The following OTUD7A variants were observed in gnomAD, a reference collection of about 807,000 sequenced individuals.
The protein encoded by OTUD7A is OTU domain-containing protein 7A.
In OTUD7A, 12 loss-of-function variants were observed where a neutral mutation model predicts 65.7. The observed-to-expected ratio is 0.18, with a 90% CI of 0.12 to 0.30. OTUD7A has a LOEUF of 0.30. OTUD7A is among the 10% of genes least tolerant of loss of function. The probability of loss-of-function intolerance (pLI) is 1.00; values close to 1 mark genes in which losing one functional copy is unlikely to be tolerated. For missense variants in OTUD7A, 1,148 were observed against 1,304.8 expected, an observed-to-expected ratio of 0.88 and a Z score of 1.85; for synonymous variants, 641 against 586.3, an observed-to-expected ratio of 1.09 and a Z score of -1.35.
At chr15:31,486,137 A>G (rs553446279) in intron 12 of OTUD7A, among the ~76,000 whole-genome samples, 5 of 152,252 alleles carry the variant, frequency 3.3e-5, no homozygotes, top group African/African-American at 4.8e-5. Context: ...AGGCCTGGCA[A>G]TTGCAGGCAG....
chr15:31,709,674 A>C (rs904314617), intron 1 of OTUD7A, among the ~76,000 whole-genome samples: 12 of 151,338 alleles, frequency 7.9e-5, no homozygotes, highest in Middle Eastern at 3.4e-3. Flanking sequence ...AGGACACATC[A>C]GTTAGAGGAA....
chr15:31,651,237 C>T (rs1458083429), intron 3 of OTUD7A, among the ~76,000 whole-genome samples: 1 of 145,866 alleles, frequency 6.9e-6, no homozygotes. Flanking sequence ...CAGTTTAAAG[C>T]AAAAAACCCA....
intron 3 of OTUD7A, among the ~76,000 whole-genome samples, chr15:31,632,939 TCTCCTGGTGTGCCG>T (rs1891223242): frequency 6.6e-6 from 1 of 152,188 alleles, no homozygotes; most frequent in Non-Finnish European, 1.5e-5. Flanking sequence ...CGGGATATAA[TCTCCTGGTGTGCCG>T]TTTTTTAAGC....
At chr15:31,555,700 A>G (rs911909752) in intron 5 of OTUD7A, among the ~76,000 whole-genome samples, 4 of 152,170 alleles carry the variant, frequency 2.6e-5, no homozygotes, top group African/African-American at 4.8e-5. Context: ...GACCTAGTCT[A>G]AGACCTCGCT....
At chr15:31,553,332 A>G (rs1315042036) in intron 5 of OTUD7A, among the ~76,000 whole-genome samples, 3 of 152,022 alleles carry the variant, frequency 2.0e-5, no homozygotes. Context: ...TTTTCTGTCC[A>G]TGCTCCAGAC....
chr15:31,604,707 T>C (rs1048579619), intron 3 of OTUD7A, among the ~76,000 whole-genome samples: 1 of 152,260 alleles, frequency 6.6e-6, no homozygotes, highest in South Asian at 2.1e-4. Flanking sequence ...AACTGGCTCA[T>C]GCATGTGGCC....
At position 31,498,971 on chromosome 15, in the gene OTUD7A, G is replaced by A. The variant is rs1036899764; in HGVS notation, c.1171+2719C>T. On this transcript the variant is annotated intron_variant, in intron 10 of 12. Coordinates refer to ENST00000307050, the MANE Select transcript of OTUD7A (RefSeq NM_001382637.1). This position sits in a 1 kb window ranked among gnomAD's most constrained non-coding sequence, Gnocchi z 4.2. ...CCTGAACTTGAAGATGGTCAGTGGC[G>A]GCATCAGCAGTAGCCGGGCCACGGC... Among the ~76,000 whole-genome samples the A allele has an allele frequency of 4.6e-5, 7 of 152,140 alleles. No homozygotes were observed. The highest frequency in any genetic ancestry group is 1.7e-4 in the African/African-American group (7 of 41,428).
intron 1 of OTUD7A, among the ~76,000 whole-genome samples, chr15:31,723,401 C>A (rs779342575): frequency 1.8e-4 from 21 of 117,326 alleles, no homozygotes; most frequent in Non-Finnish European, 3.8e-4. Context: ...GCCACCCCCC[C>A]CCCCCCGCCC....
chr15:31,806,127 C>G (rs1567033175), intron 1 of OTUD7A, among the ~76,000 whole-genome samples: 1 of 152,114 alleles, frequency 6.6e-6, no homozygotes, highest in Non-Finnish European at 1.5e-5. Flanking sequence ...ATCCTGAAAC[C>G]TCTGGAAGTT....
chr15:31,606,581 G>C (rs752542023), intron 3 of OTUD7A, among the ~76,000 whole-genome samples: 5 of 152,112 alleles, frequency 3.3e-5, no homozygotes, highest in Non-Finnish European at 7.4e-5. Flanking sequence ...TACTAAGTCA[G>C]ACAGTAATGG....
intron 3 of OTUD7A, among the ~76,000 whole-genome samples, chr15:31,595,553 CCCCATGCCCCTCCCA>C (rs11276098): frequency 0.077 from 11,741 of 152,198 alleles, 1,075 homozygotes; most frequent in African/African-American, 0.23. Flanking sequence ...CATCAGATGG[CCCCATGCCCCTCCCA>C]GCCAATCCCT....
At chr15:31,635,807 G>A (rs1305182511) in intron 3 of OTUD7A, among the ~76,000 whole-genome samples, 1 of 152,242 alleles carries the variant, frequency 6.6e-6, no homozygotes, top group Non-Finnish European at 1.5e-5. Context: ...TGTAGGGACA[G>A]CTGTGGCTAC....
chr15:31,804,178 C>A (rs1002523748), intron 1 of OTUD7A, among the ~76,000 whole-genome samples: 5 of 152,206 alleles, frequency 3.3e-5, no homozygotes, highest in Admixed American at 3.3e-4. Context: ...CTTTCTTCAA[C>A]TGAAATTGCA....
chr15:31,626,899 G>C (rs1164828432), intron 3 of OTUD7A, among the ~76,000 whole-genome samples: 1 of 139,638 alleles, frequency 7.2e-6, no homozygotes. Flanking sequence ...TTTTTGTTTT[G>C]TTTTTTTGTT....
At chr15:31,630,618 C>T (rs1891115153) in intron 3 of OTUD7A, among the ~76,000 whole-genome samples, 1 of 152,200 alleles carries the variant, frequency 6.6e-6, no homozygotes, top group Admixed American at 6.5e-5. Flanking sequence ...TGCTGCAGAG[C>T]TGAGTTCATT....
chr15:31,593,167 C>T (rs908377977), intron 3 of OTUD7A, among the ~76,000 whole-genome samples: 1 of 151,766 alleles, frequency 6.6e-6, no homozygotes, highest in Non-Finnish European at 1.5e-5. Flanking sequence ...CAATGTCATT[C>T]GGTGATAGGA....
chr15:31,665,837 C>T (rs1005853397), intron 1 of OTUD7A, among the ~76,000 whole-genome samples: 1 of 152,052 alleles, frequency 6.6e-6, no homozygotes, highest in African/African-American at 2.4e-5. Flanking sequence ...CCCTTGTATG[C>T]CGATTTTGCT....
intron 1 of OTUD7A, among the ~76,000 whole-genome samples, chr15:31,687,239 G>T (rs144451679): frequency 0.014 from 2,076 of 152,252 alleles, 29 homozygotes; most frequent in Middle Eastern, 0.044. Context: ...GAGAGCAGGA[G>T]GAGGAAGCCG....
intron 7 of OTUD7A, among the ~76,000 whole-genome samples, chr15:31,526,970 C>T (rs927969671): frequency 2.6e-5 from 4 of 152,168 alleles, no homozygotes; most frequent in South Asian, 2.1e-4. Flanking sequence ...CACAAGTGGA[C>T]GCATAGTTGC....
Sources: gnomAD v4.1 joint callset for allele counts (sites outside exome capture counted in the v4.1 genomes callset) on GRCh38, gnomAD v4.1.1 for gene constraint, Gnocchi (gnomAD v3.1) non-coding constraint, MANE v1.5 for transcripts, NCBI Gene and HGNC (gene_info 2026-07-23, HGNC 2026-07-21) for gene names.